Variants in CBLN2 observed in about 807,000 individuals in gnomAD.
The protein encoded by CBLN2 is cerebellin-2.
A neutral mutation model predicts 15.0 loss-of-function variants in CBLN2; 7 were observed. The ratio of observed to expected loss-of-function variants is 0.47; its 90% CI spans 0.27 to 0.88. The LOEUF (loss-of-function observed/expected upper bound fraction) is 0.88, where lower values mean the gene tolerates loss of function less well. CBLN2 is among the 40% of genes least tolerant of loss of function. The pLI is 0.14. For synonymous variants in CBLN2, 149 were observed against 135.2 expected (o/e 1.10, Z -0.71); for missense variants, 242 against 304.5 (o/e 0.79, Z 1.53).
intron 1 of CBLN2, among the ~76,000 whole-genome samples, chr18:72,609,877 T>C (rs968789472): frequency 3.9e-5 from 6 of 152,174 alleles, no homozygotes; most frequent in South Asian, 2.1e-4. Context: ...ATTGGGCACA[T>C]TGGGCAGTTC....
chr18:72,577,249 T>C (rs1017549267), intron 1 of CBLN2, among the ~76,000 whole-genome samples: 2 of 151,680 alleles, frequency 1.3e-5, no homozygotes, highest in Non-Finnish European at 2.9e-5. Context: ...AGGGCATTTT[T>C]ATTTTCTTAT....
chr18:72,608,747 TC>T (rs1250565441), intron 1 of CBLN2, among the ~76,000 whole-genome samples: 2 of 152,178 alleles, frequency 1.3e-5, no homozygotes, highest in Non-Finnish European at 2.9e-5. Flanking sequence ...ATTAGTCTGT[TC>T]TTATGCTGCT....
Position 72,542,166 on chromosome 18 carries a change from C to T in CBLN2, c.-6G>A. 1 of 1,251,710 alleles carries T rather than the reference C, an allele frequency of 8.0e-7. No individual in the cohort carries two copies. The highest frequency in any genetic ancestry group is 1.6e-5 in the African/African-American group (1 of 63,812). The allele number at this position is 1,251,710 out of a possible 1,614,324, so 77.5% of individuals were successfully genotyped here. On this transcript the variant is annotated 5_prime_UTR_variant, in exon 3 of 5. Transcript: ENST00000269503. ...CCCCGGCCGGGCGCCTGCATCGGGACTGGTGGGAGGCGGCGCGCGGGGGTG... is the reference window on the plus strand; with the variant it reads ...CCCCGGCCGGGCGCCTGCATCGGGATTGGTGGGAGGCGGCGCGCGGGGGTG...
At chr18:72,565,975 A>G (rs1389653063) in intron 1 of CBLN2, among the ~76,000 whole-genome samples, 1 of 152,226 alleles carries the variant, frequency 6.6e-6, no homozygotes, top group Non-Finnish European at 1.5e-5. Flanking sequence ...TAGTAGGAAA[A>G]CACATAACCA....
At chr18:72,602,993 G>A (rs1373135648) in intron 1 of CBLN2, among the ~76,000 whole-genome samples, 2 of 152,148 alleles carry the variant, frequency 1.3e-5, no homozygotes, top group Admixed American at 6.5e-5. Context: ...ATTTACTAGC[G>A]GGACAGGTTG....
Position 72,573,625 on chromosome 18 carries a change from A to T in CBLN2, c.16-34853T>A, listed in dbSNP as rs143863638. On this transcript the variant is annotated intron_variant, in intron 1 of 2. Coordinates refer to the CBLN2 transcript ENST00000581073. Reference sequence around the variant, plus strand: ...CCTATGTCTATTCCTGGCTTCATAGATCATTTCTTTTTAGCACTGAATAAT... The same window carrying T: ...CCTATGTCTATTCCTGGCTTCATAGTTCATTTCTTTTTAGCACTGAATAAT... Among the ~76,000 whole-genome samples, 422 of 152,294 alleles carry T rather than the reference A, an allele frequency of 2.8e-3. 16 individuals carry two copies. The East Asian group carries it at 0.073, about 26-fold the overall frequency.
intron 1 of CBLN2, among the ~76,000 whole-genome samples, chr18:72,568,312 T>C (rs2069309780): frequency 6.6e-6 from 1 of 152,172 alleles, no homozygotes; most frequent in Non-Finnish European, 1.5e-5. Flanking sequence ...CTCAAATAGT[T>C]TCTGTTTATT....
At chr18:72,541,731 A>T (rs964114799) in intron 3 of CBLN2, 73 bp downstream of exon 3, 16 of 1,278,788 alleles carry the variant, frequency 1.3e-5, no homozygotes, top group Admixed American at 2.7e-5. Flanking sequence ...AGAAGCCTGA[A>T]CCCCAGCCCG....
Position 72,580,222 on chromosome 18 carries a change from A to G in CBLN2, c.16-41450T>C, listed in dbSNP as rs193293822. 7.9e-5 allele frequency among the ~76,000 whole-genome samples: 12 copies of G among 152,238 alleles called. No individual in the cohort carries two copies. In the East Asian group the frequency reaches 2.3e-3, roughly 29 times the overall value. On this transcript the variant is annotated intron_variant, in intron 1 of 2. Coordinates refer to the CBLN2 transcript ENST00000581073. ...GTTCTTAAAAGCTAACAGGAAACTC[A>G]ACTCTAAATATTATACTTTATAAAA...
rs1254787779 is a variant in CBLN2, at chr18:72,619,137, AG to A, written c.15+19187del. 5 of 738,540 alleles carry A rather than the reference AG, an allele frequency of 6.8e-6. No homozygotes were observed. The African/African-American group carries it at 8.6e-5, about 13-fold the overall frequency. 45.7% of individuals were successfully genotyped at this position (738,540 alleles called of 1,614,324 possible). On this transcript the variant is annotated intron_variant, in intron 1 of 2. Coordinates refer to the CBLN2 transcript ENST00000581073. ...AAGCTCTGGCCCCTATGGTGGTGGA[AG>A]CCAGTACTTTGCCAAACCACAAAAC... is the stretch of plus-strand genomic sequence containing the variant.
chr18:72,538,838 C>A, intron 3 of CBLN2, 66 bp from the exon 4 acceptor site: 1 of 1,578,492 alleles, frequency 6.3e-7, no homozygotes, highest in South Asian at 1.1e-5. Context: ...TTTCATCATC[C>A]TTGGATAACC....
intron 1 of CBLN2, among the ~76,000 whole-genome samples, chr18:72,631,260 T>C (rs1361541211): frequency 1.3e-5 from 2 of 152,138 alleles, no homozygotes; most frequent in African/African-American, 4.8e-5. Context: ...TTTATGGCAG[T>C]TAAGCTCTGG....
chr18:72,617,527 A>G (rs1309092328), intron 1 of CBLN2, among the ~76,000 whole-genome samples: 1 of 152,224 alleles, frequency 6.6e-6, no homozygotes, highest in African/African-American at 2.4e-5. Flanking sequence ...AGATATCAAG[A>G]TCATCCTAAG....
chr18:72,567,977 A>G (rs1003980547), intron 1 of CBLN2, among the ~76,000 whole-genome samples: 1 of 152,230 alleles, frequency 6.6e-6, no homozygotes, highest in Admixed American at 6.5e-5. Flanking sequence ...TTAACATGAC[A>G]TCACAGTTCT....
In CBLN2 at chr18:72,536,862, TTAA is replaced by T. The variant is rs1389467058; in HGVS notation, c.*1311_*1313del. 6.6e-5 allele frequency: 10 copies of T among 152,642 alleles called. No homozygotes were observed. The highest frequency in any genetic ancestry group is 2.2e-4 in the African/African-American group (9 of 41,442). 9.5% of individuals were successfully genotyped at this position (152,642 alleles called of 1,614,324 possible). On this transcript the variant is annotated 3_prime_UTR_variant, in exon 5 of 5. Transcript: ENST00000269503. ...ACACCCATCAACTCTCAGCTGTGTC[TTAA>T]TAATGTTGTACGAGATGCCAAAACA...
intron 1 of CBLN2, among the ~76,000 whole-genome samples, chr18:72,617,931 CG>C (rs2069673738): frequency 6.6e-6 from 1 of 150,502 alleles, no homozygotes; most frequent in Non-Finnish European, 1.5e-5. Context: ...TATTCCAGAA[CG>C]AGAAAAAGAA....
In CBLN2 at chr18:72,561,752, G is replaced by A. The variant is rs557868975; in HGVS notation, c.16-22980C>T. On this transcript the variant is annotated intron_variant, in intron 1 of 2. Coordinates refer to the CBLN2 transcript ENST00000581073. ...GAGAGTTGGATATGGAAACTATAAC[G>A]TATTGCTTATTTCATGCACAATTTT... Among the ~76,000 whole-genome samples the A allele has an allele frequency of 3.3e-5, 5 of 152,226 alleles. No individual in the cohort carries two copies. The South Asian group carries it at 6.2e-4, about 19-fold the overall frequency.
Position 72,538,382 on chromosome 18 carries a change from CAG to C in CBLN2, c.478-11_478-10del. On this transcript the variant is annotated splice_polypyrimidine_tract_variant and intron_variant, in intron 4 of 4. Transcript: ENST00000269503. The stretch of plus-strand genomic sequence containing the variant: ...TTCTGCATTAAACTGACCTAAAATG[CAG>C]AGAGTAGAGCTCAGCAGACCATAAA... The C allele has an allele frequency of 6.2e-7, 1 of 1,614,000 alleles. No homozygotes were observed. The highest frequency in any genetic ancestry group is 2.2e-5 in the East Asian group (1 of 44,866).
chr18:72,611,516 A>G (rs113202016), intron 1 of CBLN2, among the ~76,000 whole-genome samples: 320 of 152,058 alleles, frequency 2.1e-3, no homozygotes, highest in Non-Finnish European at 3.5e-3. Context: ...GCATTTTTTC[A>G]TGTTTGTTGG....
Sources: allele counts gnomAD v4.1 joint callset (sites outside exome capture counted in the v4.1 genomes callset), GRCh38; gene constraint gnomAD v4.1.1; transcripts MANE v1.5; gene names NCBI Gene and HGNC (gene_info 2026-07-23, HGNC 2026-07-21).